The following PRELID2 variants were observed in gnomAD, a reference collection of about 807,000 sequenced individuals.
The protein encoded by PRELID2 is PRELI domain-containing protein 2.
A neutral mutation model predicts 28.4 loss-of-function variants in PRELID2; 25 were observed. That is an observed-to-expected ratio of 0.88 (90% CI 0.64 to 1.23). The LOEUF is 1.23. Ranked by LOEUF, PRELID2 falls within the 50% of genes most tolerant of loss-of-function variation. The pLI, the probability that PRELID2 is intolerant of heterozygous loss-of-function variation, is 0.00. For synonymous variants in PRELID2, 76 were observed against 71.6 expected (o/e 1.06, Z -0.31); for missense variants, 201 against 214.4 (o/e 0.94, Z 0.39).
the PRELID2 span, among the ~76,000 whole-genome samples, chr5:145,459,562 A>C: frequency 6.3e-4 from 96 of 152,304 alleles, no homozygotes; most frequent in African/African-American, 2.3e-3. Flanking sequence ...AGGCTACTTA[A>C]TTAACAATTT....
At chr5:145,769,702 C>T (rs1015142683) in intron 5 of PRELID2, among the ~76,000 whole-genome samples, 1 of 152,184 alleles carries the variant, frequency 6.6e-6, no homozygotes, top group Admixed American at 6.5e-5. Context: ...GGAAATAACG[C>T]TTTCTTGTGG....
At chr5:145,600,428 A>AT (rs571050308) in intron 1 of PRELID2, among the ~76,000 whole-genome samples, 2,214 of 119,242 alleles carry the variant, frequency 0.019, 39 homozygotes, top group Admixed American at 0.05. Flanking sequence ...GGGAAAAAAA[A>AT]AAAAAAATAT....
the PRELID2 span, among the ~76,000 whole-genome samples, chr5:145,390,897 C>A: frequency 2.6e-5 from 4 of 152,278 alleles, no homozygotes; most frequent in South Asian, 2.1e-4. Flanking sequence ...AACAAAAGGG[C>A]TACAGGCCCC....
At chr5:145,402,292 T>C in the PRELID2 span, among the ~76,000 whole-genome samples, 4 of 152,168 alleles carry the variant, frequency 2.6e-5, no homozygotes, top group Non-Finnish European at 5.9e-5. Flanking sequence ...AGCTGTATGC[T>C]CCTTGGACTG....
intron 4 of PRELID2, among the ~76,000 whole-genome samples, chr5:145,810,476 G>A (rs747189720): frequency 5.3e-5 from 8 of 152,234 alleles, no homozygotes; most frequent in Non-Finnish European, 8.8e-5. Context: ...ATTTCATTCC[G>A]AAACTAAAAT....
chr5:145,509,647 C>A (rs1561496388), intron 1 of PRELID2, among the ~76,000 whole-genome samples: 1 of 152,186 alleles, frequency 6.6e-6, no homozygotes, highest in African/African-American at 2.4e-5. Flanking sequence ...ATTTCCCAAG[C>A]TACTTTGGTT....
chr5:145,381,729 A>T, the PRELID2 span: 2 of 152,360 alleles, frequency 1.3e-5, no homozygotes, highest in Non-Finnish European at 2.9e-5. Flanking sequence ...CTGCGAACAA[A>T]ACAAGACATT....
intron 1 of PRELID2, among the ~76,000 whole-genome samples, chr5:145,611,706 C>A (rs750116826): frequency 6.6e-6 from 1 of 152,126 alleles, no homozygotes; most frequent in Non-Finnish European, 1.5e-5. Context: ...TAATTTTCCA[C>A]AAGTTGATCT....
At chr5:145,247,804 T>G in the PRELID2 span, among the ~76,000 whole-genome samples, 1 of 152,170 alleles carries the variant, frequency 6.6e-6, no homozygotes, top group African/African-American at 2.4e-5. Flanking sequence ...AGTGTTCTGA[T>G]GTACCTCCTG....
At chr5:145,774,716 C>G (rs1758309120) in intron 5 of PRELID2, among the ~76,000 whole-genome samples, 1 of 152,182 alleles carries the variant, frequency 6.6e-6, no homozygotes, top group Non-Finnish European at 1.5e-5. Context: ...CTATTAGGCC[C>G]AGCAGGGTAA....
intron 1 of PRELID2, among the ~76,000 whole-genome samples, chr5:145,642,730 A>G (rs1202608960): frequency 6.6e-6 from 1 of 152,198 alleles, no homozygotes. Context: ...AGTTTTCTGC[A>G]TATGGCTAGC....
At chr5:145,263,606 A>T in the PRELID2 span, among the ~76,000 whole-genome samples, 2 of 152,086 alleles carry the variant, frequency 1.3e-5, no homozygotes, top group African/African-American at 2.4e-5. Flanking sequence ...CCAAGAAAAG[A>T]AGAGGGAGGA....
chr5:145,254,846 G>T, the PRELID2 span, among the ~76,000 whole-genome samples: 1 of 149,582 alleles, frequency 6.7e-6, no homozygotes, highest in South Asian at 2.3e-4. Flanking sequence ...CATAGGTCTT[G>T]TTAAAGTCTG....
At chr5:145,673,395 A>C (rs1754749529) in intron 1 of PRELID2, among the ~76,000 whole-genome samples, 2 of 152,284 alleles carry the variant, frequency 1.3e-5, no homozygotes, top group South Asian at 2.1e-4. Context: ...AAAACAGATA[A>C]ATGTTTTGTA....
At chr5:145,594,984 TG>T (rs1190724799) in intron 1 of PRELID2, among the ~76,000 whole-genome samples, 2 of 151,906 alleles carry the variant, frequency 1.3e-5, no homozygotes, top group African/African-American at 4.8e-5. Flanking sequence ...AAAAATTAGC[TG>T]GGTGTGGTGG....
At chr5:145,676,791 A>T (rs1199008367) in intron 1 of PRELID2, among the ~76,000 whole-genome samples, 1 of 152,198 alleles carries the variant, frequency 6.6e-6, no homozygotes, top group African/African-American at 2.4e-5. Context: ...CAATTTATAG[A>T]ATATACAGAG....
At chr5:145,674,166 AT>A (rs1173422736) in intron 1 of PRELID2, among the ~76,000 whole-genome samples, 5 of 152,090 alleles carry the variant, frequency 3.3e-5, no homozygotes, top group Non-Finnish European at 1.5e-5. Context: ...TGGTTTTGGT[AT>A]TTTTTTATTA....
chr5:145,324,687 T>C, the PRELID2 span, among the ~76,000 whole-genome samples: 1 of 152,330 alleles, frequency 6.6e-6, no homozygotes, highest in East Asian at 1.9e-4. Flanking sequence ...ATGGAGATCT[T>C]ACCACATATA....
At chr5:145,639,840 C>T (rs572694544) in intron 1 of PRELID2, among the ~76,000 whole-genome samples, 2 of 152,210 alleles carry the variant, frequency 1.3e-5, no homozygotes, top group East Asian at 3.9e-4. Context: ...AAACAAAATA[C>T]AACTTCCCAG....
Sources: gnomAD v4.1 joint callset for allele counts (sites outside exome capture counted in the v4.1 genomes callset) on GRCh38, gnomAD v4.1.1 for gene constraint, MANE v1.5 for transcripts, NCBI Gene and HGNC (gene_info 2026-07-23, HGNC 2026-07-21) for gene names.